Variants in CADPS observed in about 807,000 individuals in gnomAD.
The protein encoded by CADPS is calcium dependent secretion activator, also known as calcium-dependent secretion activator 1.
Under a neutral mutation model 167.3 loss-of-function variants are expected in CADPS, and 57 were observed. The observed-to-expected ratio is 0.34, with a 90% CI of 0.28 to 0.42. CADPS has a LOEUF of 0.42. CADPS is among the 20% of genes least tolerant of loss of function. The probability of loss-of-function intolerance (pLI) is 1.00; values close to 1 mark genes in which losing one functional copy is unlikely to be tolerated. For synonymous variants in CADPS, 676 were observed against 635.3 expected, an observed-to-expected ratio of 1.06 and a Z score of -0.96; for missense variants, 1,414 against 1,738.1, an observed-to-expected ratio of 0.81 and a Z score of 3.32.
intron 3 of CADPS, among the ~76,000 whole-genome samples, chr3:62,727,506 T>C (rs1261326259): frequency 6.6e-6 from 1 of 151,912 alleles, no homozygotes; most frequent in Non-Finnish European, 1.5e-5. Context: ...ATAGCAATAG[T>C]CACAGACTCT....
rs2051233525 is a variant in CADPS, at chr3:62,420,930, A to C, written c.3777+17174T>G. On this transcript the variant is annotated intron_variant, in intron 28 of 29. Transcript: ENST00000383710. This position sits in a 1 kb window ranked among gnomAD's most constrained non-coding sequence, Gnocchi z 4.1. ...CACACACACACACACTTGCCAGATC[A>C]CTTACCCAAACCTTACCCTGGGGAG... 6.6e-6 allele frequency among the ~76,000 whole-genome samples: 1 copy of C among 150,740 alleles called. No individual in the cohort carries two copies. Among genetic ancestry groups the C allele is most frequent in the Non-Finnish European group, 1.5e-5 (1 of 67,764 alleles).
chr3:62,611,682 G>C (rs1228165299), intron 6 of CADPS, among the ~76,000 whole-genome samples: 2 of 152,164 alleles, frequency 1.3e-5, no homozygotes, highest in African/African-American at 2.4e-5. Context: ...TGTTATAGCT[G>C]TTCTTCAAAA....
At chr3:62,665,021 AGC>A (rs2074157104) in intron 3 of CADPS, among the ~76,000 whole-genome samples, 1 of 152,316 alleles carries the variant, frequency 6.6e-6, no homozygotes, top group Admixed American at 6.5e-5. Context: ...GACTCCATGG[AGC>A]TTAAATCCAG....
intron 28 of CADPS, among the ~76,000 whole-genome samples, chr3:62,411,501 T>C (rs2048953200): frequency 6.6e-6 from 1 of 152,182 alleles, no homozygotes; most frequent in Non-Finnish European, 1.5e-5. Context: ...TGTAATGAAA[T>C]ATTTTATGTT....
intron 4 of CADPS, among the ~76,000 whole-genome samples, chr3:62,658,589 C>T (rs554542186): frequency 3.7e-4 from 57 of 152,046 alleles, no homozygotes; most frequent in Admixed American, 9.8e-4. Context: ...GTTAGATTCT[C>T]AGATGTAAAA....
intron 10 of CADPS, among the ~76,000 whole-genome samples, chr3:62,555,762 T>C (rs1228098857): frequency 6.6e-6 from 1 of 152,134 alleles, no homozygotes; most frequent in Non-Finnish European, 1.5e-5. Flanking sequence ...ATTTTTTGAG[T>C]TGGGGTCTAT....
At chr3:62,590,016 C>T (rs1174821579) in intron 7 of CADPS, among the ~76,000 whole-genome samples, 1 of 152,054 alleles carries the variant, frequency 6.6e-6, no homozygotes, top group African/African-American at 2.4e-5. Context: ...TGGTAAAACC[C>T]TGTCTCTACT....
Position 62,488,417 on chromosome 3 carries a change from A to T in CADPS, c.3026+2922T>A, listed in dbSNP as rs77063116. Among the ~76,000 whole-genome samples, 253 of 152,292 alleles carry T rather than the reference A, an allele frequency of 1.7e-3. 2 individuals are homozygous for T. Among genetic ancestry groups the T allele is most frequent in the East Asian group, 6.2e-3 (32 of 5,188 alleles). Reference sequence around the variant, plus strand: ...CGTGGCATCCACACTCTGTTTAAAAATCGGCTGATACAGTGTGTGTGGTAG... The same window carrying T: ...CGTGGCATCCACACTCTGTTTAAAATTCGGCTGATACAGTGTGTGTGGTAG... On this transcript the variant is annotated intron_variant, in intron 21 of 29. Transcript: ENST00000383710.
chr3:62,606,661 C>T (rs1329592383), intron 6 of CADPS, among the ~76,000 whole-genome samples: 2 of 152,214 alleles, frequency 1.3e-5, no homozygotes, highest in Non-Finnish European at 2.9e-5. Flanking sequence ...TACATCCTTG[C>T]AGCTTGACTT....
rs926019680 is a variant in CADPS, at chr3:62,420,693, G to A, written c.3777+17411C>T. ...GGAATGAGGAAAATAAAGACAAAGTGCTGCTTTTTAAAAGTTAACATGTGT... is the reference window on the plus strand; with the variant it reads ...GGAATGAGGAAAATAAAGACAAAGTACTGCTTTTTAAAAGTTAACATGTGT... On this transcript the variant is annotated intron_variant, in intron 28 of 29. Coordinates refer to ENST00000383710, the MANE Select transcript of CADPS (RefSeq NM_003716.4). This position sits in a 1 kb window ranked among gnomAD's most constrained non-coding sequence, Gnocchi z 4.1. Among the ~76,000 whole-genome samples, 1 of 152,164 alleles carries A rather than the reference G, an allele frequency of 6.6e-6. No individual in the cohort carries two copies. Among genetic ancestry groups the A allele is most frequent in the African/African-American group, 2.4e-5 (1 of 41,432 alleles).
chr3:62,804,917 A>T (rs1289217162), intron 1 of CADPS, among the ~76,000 whole-genome samples: 1 of 152,178 alleles, frequency 6.6e-6, no homozygotes, highest in East Asian at 1.9e-4. Flanking sequence ...AGAGTGAACA[A>T]AGTATAAATA....
chr3:62,809,669 A>G (rs1165684821), intron 1 of CADPS, among the ~76,000 whole-genome samples: 1 of 152,152 alleles, frequency 6.6e-6, no homozygotes, highest in Non-Finnish European at 1.5e-5. Flanking sequence ...TTACTTGAAC[A>G]GTCTTCTGTC....
intron 7 of CADPS, among the ~76,000 whole-genome samples, chr3:62,586,484 A>AGAG (rs1047953784): frequency 3.9e-5 from 6 of 152,036 alleles, no homozygotes; most frequent in African/African-American, 1.4e-4. Context: ...AAGACTGCTG[A>AGAG]GAGGAGGAGG....
chr3:62,672,645 A>G (rs1333334984), intron 3 of CADPS, among the ~76,000 whole-genome samples: 1 of 152,046 alleles, frequency 6.6e-6, no homozygotes, highest in African/African-American at 2.4e-5. Context: ...TCCCCCTGAG[A>G]CAGGGTCTTT....
chr3:62,830,695 T>G (rs2074921855), intron 1 of CADPS, among the ~76,000 whole-genome samples: 1 of 152,126 alleles, frequency 6.6e-6, no homozygotes, highest in Non-Finnish European at 1.5e-5. Flanking sequence ...ACACGGCCTT[T>G]TCAATGATGT....
intron 1 of CADPS, among the ~76,000 whole-genome samples, chr3:62,770,206 A>G (rs1012965642): frequency 6.6e-6 from 1 of 152,154 alleles, no homozygotes; most frequent in Non-Finnish European, 1.5e-5. Flanking sequence ...CTTAGGATTC[A>G]GCCAAGCCAG....
chr3:62,815,209 A>C (rs941089843), intron 1 of CADPS, among the ~76,000 whole-genome samples: 2 of 152,234 alleles, frequency 1.3e-5, no homozygotes, highest in African/African-American at 4.8e-5. Flanking sequence ...AAACAACCAA[A>C]ATGCCCATCA....
chr3:62,811,779 G>A (rs2094405496), intron 1 of CADPS, among the ~76,000 whole-genome samples: 1 of 152,178 alleles, frequency 6.6e-6, no homozygotes, highest in Non-Finnish European at 1.5e-5. Flanking sequence ...TTCTCAAAAT[G>A]AGGACATCCA....
chr3:62,588,001 T>C (rs974294519), intron 7 of CADPS, among the ~76,000 whole-genome samples: 5 of 152,198 alleles, frequency 3.3e-5, no homozygotes, highest in Non-Finnish European at 5.9e-5. Context: ...ACTTTGTCAA[T>C]TCAGCCGAGG....
Sources: allele counts gnomAD v4.1 joint callset (sites outside exome capture counted in the v4.1 genomes callset), GRCh38; gene constraint gnomAD v4.1.1; non-coding constraint Gnocchi (gnomAD v3.1); transcripts MANE v1.5; gene names NCBI Gene and HGNC (gene_info 2026-07-23, HGNC 2026-07-21).